Variants in TENM2 observed in about 807,000 individuals in gnomAD.
The protein encoded by TENM2 is teneurin-2.
A neutral mutation model predicts 245.2 loss-of-function variants in TENM2; 52 were observed. The observed-to-expected ratio is 0.21, with a 90% CI of 0.17 to 0.27. The LOEUF (loss-of-function observed/expected upper bound fraction) is 0.27. TENM2 is among the 10% of genes least tolerant of loss of function. The pLI, the probability that TENM2 is intolerant of heterozygous loss-of-function variation, is 1.00. For missense variants in TENM2, 3,046 were observed against 3,666.8 expected, an observed-to-expected ratio of 0.83 and a Z score of 4.37; for synonymous variants, 1,363 against 1,438.9, an observed-to-expected ratio of 0.95 and a Z score of 1.19.
chr5:167,503,769 C>A (rs1769367036), intron 2 of TENM2, among the ~76,000 whole-genome samples: 1 of 152,116 alleles, frequency 6.6e-6, no homozygotes, highest in Non-Finnish European at 1.5e-5. Context: ...TGGCCCATGC[C>A]TGTAGTCCAA....
At chr5:167,462,184 C>CCCG in intron 2 of TENM2, among the ~76,000 whole-genome samples, 1 of 38,128 alleles carries the variant, frequency 2.6e-5, no homozygotes, top group Non-Finnish European at 7.0e-5. Flanking sequence ...GACCCCCACC[C>CCCG]CCCCCCCCCA....
At chr5:168,043,893 A>C (rs1176527227) in intron 5 of TENM2, among the ~76,000 whole-genome samples, 5 of 152,226 alleles carry the variant, frequency 3.3e-5, no homozygotes, top group African/African-American at 4.8e-5. Context: ...GAAACAAAGA[A>C]GAGGTTTGCT....
chr5:167,073,043 A>G, the TENM2 span, among the ~76,000 whole-genome samples: 1 of 152,254 alleles, frequency 6.6e-6, no homozygotes, highest in African/African-American at 2.4e-5. Flanking sequence ...TGACTTAACT[A>G]ATCAATATGT....
At chr5:168,173,481 C>T (rs1759041154) in intron 13 of TENM2, among the ~76,000 whole-genome samples, 1 of 152,110 alleles carries the variant, frequency 6.6e-6, no homozygotes. Flanking sequence ...CAGTGAGTGT[C>T]GCCTTCACTT....
chr5:167,510,632 G>A (rs1159037737), intron 2 of TENM2, among the ~76,000 whole-genome samples: 1 of 149,440 alleles, frequency 6.7e-6, no homozygotes, highest in Non-Finnish European at 1.5e-5. Context: ...GGAAAAGAAA[G>A]AAAGGAAGGA....
At chr5:167,764,148 A>G (rs1174690489) in intron 2 of TENM2, among the ~76,000 whole-genome samples, 1 of 152,106 alleles carries the variant, frequency 6.6e-6, no homozygotes, top group Non-Finnish European at 1.5e-5. Context: ...AAAAAAATAT[A>G]TTGTTAGGGA....
At chr5:168,018,879 A>G (rs996527252) in intron 5 of TENM2, among the ~76,000 whole-genome samples, 1 of 152,176 alleles carries the variant, frequency 6.6e-6, no homozygotes, top group African/African-American at 2.4e-5. Flanking sequence ...TCTCCATCAC[A>G]CACAGAGAAA....
rs757780018 is a variant in TENM2 at position 167,381,919 on chromosome 5, G to A, written c.502+6446G>A. ...GGTTTTAAGGCATTTAGATTTAAAT[G>A]CTTCAGATAAAATTAAATCAAATTA... On this transcript the variant is annotated intron_variant, in intron 2 of 28. Transcript: ENST00000518659. Among the ~76,000 whole-genome samples, 3 of 152,204 alleles carry A rather than the reference G, an allele frequency of 2.0e-5. No homozygotes were observed. The East Asian group carries it at 5.8e-4, about 29-fold the overall frequency.
At chr5:167,358,687 A>G (rs779174175) in intron 1 of TENM2, among the ~76,000 whole-genome samples, 1 of 151,322 alleles carries the variant, frequency 6.6e-6, no homozygotes, top group Non-Finnish European at 1.5e-5. Context: ...TGACTCCCAA[A>G]TCTGTATCTC....
chr5:167,013,825 T>C, the TENM2 span, among the ~76,000 whole-genome samples: 1 of 152,202 alleles, frequency 6.6e-6, no homozygotes, highest in Non-Finnish European at 1.5e-5. Flanking sequence ...TCTGTGTTTT[T>C]GTTTGATTGT....
At chr5:167,256,224 T>G in the TENM2 span, among the ~76,000 whole-genome samples, 2 of 152,288 alleles carry the variant, frequency 1.3e-5, no homozygotes, top group South Asian at 4.1e-4. Context: ...TGTGGAGTTT[T>G]GGGATTCCCA....
At chr5:167,155,300 A>C in the TENM2 span, among the ~76,000 whole-genome samples, 1 of 152,206 alleles carries the variant, frequency 6.6e-6, no homozygotes, top group Admixed American at 6.5e-5. Flanking sequence ...CTGTGTCCCA[A>C]AAATATTAAC....
intron 9 of TENM2, among the ~76,000 whole-genome samples, chr5:168,101,679 G>A (rs1281741468): frequency 6.6e-6 from 1 of 152,120 alleles, no homozygotes; most frequent in Admixed American, 6.5e-5. Flanking sequence ...CTGAAATCGG[G>A]CTTTGAACTT....
At chr5:168,222,236 C>G (rs1763732409) in intron 23 of TENM2, among the ~76,000 whole-genome samples, 1 of 152,248 alleles carries the variant, frequency 6.6e-6, no homozygotes, top group African/African-American at 2.4e-5. Flanking sequence ...CTCCTGCTCT[C>G]TTCCCACCTC....
intron 3 of TENM2, among the ~76,000 whole-genome samples, chr5:167,936,623 T>A (rs1403517097): frequency 1.3e-5 from 2 of 152,234 alleles, no homozygotes; most frequent in African/African-American, 4.8e-5. Flanking sequence ...TTCAGCGTGA[T>A]GTTTAATTTT....
intron 2 of TENM2, among the ~76,000 whole-genome samples, chr5:167,753,781 C>T (rs972534394): frequency 2.6e-5 from 4 of 152,096 alleles, no homozygotes; most frequent in African/African-American, 7.2e-5. Flanking sequence ...ATTTCTGCCC[C>T]GGGTTTCCAG....
chr5:167,146,331 C>G, the TENM2 span, among the ~76,000 whole-genome samples: 1 of 152,036 alleles, frequency 6.6e-6, no homozygotes, highest in Non-Finnish European at 1.5e-5. Flanking sequence ...CGCTTGATGC[C>G]CCAGGTGAGT....
At chr5:168,227,867 A>G in intron 24 of TENM2, 28 bp from the exon 27 acceptor site, 1 of 1,458,266 alleles carries the variant, frequency 6.9e-7, no homozygotes, top group Non-Finnish European at 9.4e-7. Context: ...TTATTTCCCT[A>G]TCCCCACCCC....
chr5:168,199,884 G>A, exon 17 of TENM2: 1 of 1,613,794 alleles, frequency 6.2e-7, no homozygotes, highest in Non-Finnish European at 8.5e-7. Flanking sequence ...AAGAAATCGA[G>A]CTCCCTGGTT....
Sources: gnomAD v4.1 joint callset for allele counts (sites outside exome capture counted in the v4.1 genomes callset) on GRCh38, gnomAD v4.1.1 for gene constraint, MANE v1.5 for transcripts, NCBI Gene and HGNC (gene_info 2026-07-23, HGNC 2026-07-21) for gene names.